TRAM2: variants seen among roughly 807,000 people sequenced by gnomAD.
TRAM2 encodes the protein translocating chain-associated membrane protein 2.
In TRAM2, 12 loss-of-function variants were observed where a neutral mutation model predicts 51.0. That is an observed-to-expected ratio of 0.24 (90% CI 0.15 to 0.38). The LOEUF is 0.38. Ranked by LOEUF, TRAM2 falls within the 10% of genes least tolerant of loss-of-function variation. The pLI, the probability that TRAM2 is intolerant of heterozygous loss-of-function variation, is 1.00. For missense variants in TRAM2, 361 were observed against 462.0 expected (o/e 0.78, Z 2.00); for synonymous variants, 175 against 179.4 (o/e 0.98, Z 0.20).
intron 1 of TRAM2, among the ~76,000 whole-genome samples, chr6:52,557,861 T>C (rs1029781641): frequency 6.6e-6 from 1 of 152,156 alleles, no homozygotes; most frequent in East Asian, 1.9e-4. Flanking sequence ...CACATACCCC[T>C]AATCTGGGAC....
intron 1 of TRAM2, among the ~76,000 whole-genome samples, chr6:52,549,498 C>T (rs1767271565): frequency 6.6e-6 from 1 of 152,222 alleles, no homozygotes; most frequent in Non-Finnish European, 1.5e-5. Context: ...AAAACCATCT[C>T]ATATTTCATA....
intron 2 of TRAM2, among the ~76,000 whole-genome samples, chr6:52,518,525 G>A (rs1312746638): frequency 1.3e-5 from 2 of 152,206 alleles, no homozygotes; most frequent in Non-Finnish European, 2.9e-5. Context: ...TAAGGACACC[G>A]GTTAGAAAGC....
At chr6:52,519,728 T>TG (rs1163937098) in intron 2 of TRAM2, among the ~76,000 whole-genome samples, 1 of 151,620 alleles carries the variant, frequency 6.6e-6, no homozygotes, top group African/African-American at 2.4e-5. Context: ...GCCAAAAAGA[T>TG]GGAAGCGACG....
At chr6:52,503,501 C>A (rs1419492237) in intron 10 of TRAM2, among the ~76,000 whole-genome samples, 5 of 151,954 alleles carry the variant, frequency 3.3e-5, no homozygotes, top group Non-Finnish European at 7.4e-5. Context: ...GTTTGAGAGG[C>A]TTGGTCTCTG....
chr6:52,541,954 C>T (rs935879327), intron 1 of TRAM2, among the ~76,000 whole-genome samples: 1 of 152,020 alleles, frequency 6.6e-6, no homozygotes, highest in African/African-American at 2.4e-5. Flanking sequence ...GGACACCACA[C>T]CTCCCACCTA....
At chr6:52,561,370 C>G (rs889610119) in intron 1 of TRAM2, among the ~76,000 whole-genome samples, 1 of 152,188 alleles carries the variant, frequency 6.6e-6, no homozygotes, top group Non-Finnish European at 1.5e-5. Context: ...GCAACTTCTG[C>G]CTCCCAGACT....
chr6:52,568,011 C>G (rs1323254154), intron 1 of TRAM2, among the ~76,000 whole-genome samples: 1 of 152,232 alleles, frequency 6.6e-6, no homozygotes, highest in Non-Finnish European at 1.5e-5. Flanking sequence ...CAGTCCTGTT[C>G]TACATGTCCA....
chr6:52,570,614 G>A (rs183444845), intron 1 of TRAM2, among the ~76,000 whole-genome samples: 14 of 152,210 alleles, frequency 9.2e-5, no homozygotes, highest in African/African-American at 3.4e-4. Context: ...CGATTACAGG[G>A]TGAGGCGAGT....
At chr6:52,549,039 T>C (rs897139596) in intron 1 of TRAM2, among the ~76,000 whole-genome samples, 3 of 152,156 alleles carry the variant, frequency 2.0e-5, no homozygotes, top group African/African-American at 7.2e-5. Context: ...AACAGAATCA[T>C]GATGGCACTG....
At chr6:52,546,958 G>C (rs1767213710) in intron 1 of TRAM2, among the ~76,000 whole-genome samples, 1 of 152,190 alleles carries the variant, frequency 6.6e-6, no homozygotes, top group South Asian at 2.1e-4. Flanking sequence ...TTTATGTAAT[G>C]AATGTGTGAA....
At chr6:52,511,601 A>C (rs1766453194) in intron 4 of TRAM2, among the ~76,000 whole-genome samples, 1 of 152,224 alleles carries the variant, frequency 6.6e-6, no homozygotes, top group Non-Finnish European at 1.5e-5. Context: ...GGGTTTAGTA[A>C]GAAGCATTCT....
chr6:52,560,681 CTCTGAG>C (rs1428306057), intron 1 of TRAM2, among the ~76,000 whole-genome samples: 1 of 152,218 alleles, frequency 6.6e-6, no homozygotes, highest in Non-Finnish European at 1.5e-5. Context: ...ACAACATTTG[CTCTGAG>C]TCACAGAGGA....
intron 2 of TRAM2, among the ~76,000 whole-genome samples, chr6:52,518,625 G>C (rs1766601116): frequency 1.3e-5 from 2 of 152,078 alleles, no homozygotes; most frequent in Non-Finnish European, 2.9e-5. Flanking sequence ...CAGTGAGAGA[G>C]AGCTGATGAG....
chr6:52,530,767 G>A (rs966326169), intron 2 of TRAM2, among the ~76,000 whole-genome samples: 2 of 152,234 alleles, frequency 1.3e-5, no homozygotes, highest in South Asian at 4.1e-4. Flanking sequence ...AATCCAGAAC[G>A]CTGGGATGGT....
intron 1 of TRAM2, 28 bp from the exon 2 acceptor site, chr6:52,535,874 T>G (rs756501048): frequency 6.2e-7 from 1 of 1,606,976 alleles, no homozygotes; most frequent in South Asian, 1.1e-5. Flanking sequence ...AGAGTTCCAG[T>G]TTAGCTTTTG....
At chr6:52,519,513 G>A (rs1766624920) in intron 2 of TRAM2, among the ~76,000 whole-genome samples, 1 of 152,164 alleles carries the variant, frequency 6.6e-6, no homozygotes, top group Admixed American at 6.5e-5. Context: ...GTGAGGATGT[G>A]GAGAAACTGG....
At chr6:52,525,882 T>C (rs375281831) in intron 2 of TRAM2, among the ~76,000 whole-genome samples, 1 of 151,980 alleles carries the variant, frequency 6.6e-6, no homozygotes, top group Non-Finnish European at 1.5e-5. Flanking sequence ...ATATGACTGG[T>C]GGTCTTCTAA....
At chr6:52,569,185 A>G (rs186702549) in intron 1 of TRAM2, among the ~76,000 whole-genome samples, 27 of 152,264 alleles carry the variant, frequency 1.8e-4, no homozygotes, top group African/African-American at 5.5e-4. Flanking sequence ...ACCTGAGGTC[A>G]GGAGTTCGAG....
intron 2 of TRAM2, among the ~76,000 whole-genome samples, chr6:52,520,623 T>C (rs1294080467): frequency 6.6e-6 from 1 of 152,148 alleles, no homozygotes; most frequent in Non-Finnish European, 1.5e-5. Flanking sequence ...ATCCTAACTA[T>C]CTCATGAGAT....
Sources: gnomAD v4.1 joint callset for allele counts (sites outside exome capture counted in the v4.1 genomes callset) on GRCh38, gnomAD v4.1.1 for gene constraint, MANE v1.5 for transcripts, NCBI Gene and HGNC (gene_info 2026-07-23, HGNC 2026-07-21) for gene names.